The following XRCC5 variants were observed in gnomAD, a reference collection of about 807,000 sequenced individuals.
XRCC5 encodes X-ray repair cross complementing 5, also known as DNA repair protein Ku80.
XRCC5 carries 12 observed loss-of-function variants against 95.7 expected under a neutral mutation model. The observed-to-expected ratio is 0.13, with a 90% CI of 0.08 to 0.20. The LOEUF (loss-of-function observed/expected upper bound fraction) is 0.20. XRCC5 is among the 10% of genes least tolerant of loss of function. The pLI is 1.00. For synonymous variants in XRCC5, 281 were observed against 290.3 expected, an observed-to-expected ratio of 0.97 and a Z score of 0.33; for missense variants, 595 against 873.9, an observed-to-expected ratio of 0.68 and a Z score of 4.02.
chr2:216,197,543 T>C (rs1335354826), intron 19 of XRCC5, among the ~76,000 whole-genome samples: 1 of 152,028 alleles, frequency 6.6e-6, no homozygotes, highest in Non-Finnish European at 1.5e-5. Flanking sequence ...TCTCTTCTAC[T>C]TCAGCCACGG....
intron 5 of XRCC5, among the ~76,000 whole-genome samples, chr2:216,120,003 G>C (rs949205601): frequency 1.3e-5 from 2 of 152,190 alleles, no homozygotes; most frequent in South Asian, 4.1e-4. Flanking sequence ...AGGTTAGAGT[G>C]GTAAGCCTTT....
rs778052197 is a variant in XRCC5, at chr2:216,137,076, C to A, written c.1114-12C>A. The A allele has an allele frequency of 3.1e-6, 5 of 1,611,310 alleles. No individual in the cohort carries two copies. Among genetic ancestry groups the A allele is most frequent in the Non-Finnish European group, 4.2e-6 (5 of 1,178,762 alleles). ...GTTGAATATGTGTTAATACATCCATCTTTCTTACCAGGCAGCTGCAGTTGC... is the reference window on the plus strand; with the variant it reads ...GTTGAATATGTGTTAATACATCCATATTTCTTACCAGGCAGCTGCAGTTGC... On this transcript the variant is annotated splice_polypyrimidine_tract_variant and intron_variant, in intron 10 of 20. Transcript: ENST00000392132.
rs1689940703 is a variant in XRCC5 at position 216,206,197 on chromosome 2, C to G, written c.*995C>G. ...CTTTGGTGTACAGACTTCTTGGTAC[C>G]CAGTCACCTCTGTCTTCAGCACCCT... On this transcript the variant is annotated 3_prime_UTR_variant, in exon 21 of 21. Transcript: ENST00000392132. 1 of 152,216 alleles carries G rather than the reference C, an allele frequency of 6.6e-6. No individual in the cohort carries two copies. The highest frequency in any genetic ancestry group is 1.9e-4 in the East Asian group (1 of 5,184). 9.4% of individuals were successfully genotyped at this position (152,216 alleles called of 1,614,324 possible). A position where few individuals can be genotyped will look rare whatever the true frequency, so the allele number is the denominator to read the frequency against.
chr2:216,128,787 AATC>A (rs1414802109), intron 8 of XRCC5, among the ~76,000 whole-genome samples: 2 of 152,154 alleles, frequency 1.3e-5, no homozygotes, highest in Admixed American at 6.5e-5. Flanking sequence ...TTTCTCTTTT[AATC>A]ATCAGCGACC....
chr2:216,162,015 C>G lies in XRCC5; in HGVS notation c.1801C>G (p.Leu601Val). The G allele has an allele frequency of 1.2e-6, 2 of 1,614,096 alleles. No homozygotes were observed. ...SVNPAENFRV[L>V]VKQKKASFEE... ...GAATCCTGCTGAAAACTTCCGTGTT[C>G]TAGTGAAACAGAAGAAGGCCAGCTT... is the stretch of plus-strand genomic sequence containing the variant. The change falls in exon 16 of 21, where the codon CTA becomes GTA. Residue 601 changes from leucine to valine, a missense_variant. By Grantham distance (32) the Leu-to-Val change is conservative. Around this residue, in one of 2 missense-constraint regions of XRCC5, gnomAD observed 309 missense variants for 382.9 expected, o/e 0.81. Transcript: ENST00000392132.
At position 216,119,022 on chromosome 2, in the gene XRCC5, TATG is replaced by T. The variant is rs750878197; in HGVS notation, c.369-18_369-16del. 1.9e-6 allele frequency: 3 copies of T among 1,609,900 alleles called. No individual in the cohort carries two copies. Among genetic ancestry groups the T allele is most frequent in the South Asian group, 1.1e-5 (1 of 90,790 alleles). ...ATAATTCAGGAGAATGATTTCTTAATATGATAACTCTCTCTTTTAGAGGAAAGA... is the reference window on the plus strand; with the variant it reads ...ATAATTCAGGAGAATGATTTCTTAATATAACTCTCTCTTTTAGAGGAAAGA... On this transcript the variant is annotated intron_variant, in intron 4 of 20. Coordinates refer to ENST00000392132, the MANE Select transcript of XRCC5 (RefSeq NM_021141.4).
chr2:216,151,507 C>G (rs1035564867), intron 14 of XRCC5, among the ~76,000 whole-genome samples: 8 of 152,212 alleles, frequency 5.3e-5, no homozygotes, highest in Non-Finnish European at 1.0e-4. Flanking sequence ...ACTTCAGACT[C>G]CAGAGTCAGC....
At chr2:216,195,652 TTAGGCC>T (rs1270419676) in intron 19 of XRCC5, among the ~76,000 whole-genome samples, 1 of 152,204 alleles carries the variant, frequency 6.6e-6, no homozygotes. Flanking sequence ...ACACACATTG[TTAGGCC>T]TAGGCCTCCT....
chr2:216,133,649 A>T (rs1186563475), intron 10 of XRCC5, among the ~76,000 whole-genome samples: 1 of 152,226 alleles, frequency 6.6e-6, no homozygotes, highest in Admixed American at 6.5e-5. Context: ...GTGTAATTCA[A>T]ATCTGGCCTT....
At chr2:216,202,269 G>A (rs772993373) in intron 19 of XRCC5, among the ~76,000 whole-genome samples, 15 of 152,196 alleles carry the variant, frequency 9.9e-5, no homozygotes, top group Non-Finnish European at 2.2e-4. Context: ...AACTGGATAA[G>A]TCTTATCCTG....
At chr2:216,130,758 A>G (rs1464220141) in intron 8 of XRCC5, 117 bp from the exon 9 acceptor site, 1 of 609,946 alleles carries the variant, frequency 1.6e-6, no homozygotes, top group Non-Finnish European at 2.8e-6. Context: ...CAGGGAATAG[A>G]AGATGGAGGC....
chr2:216,157,658 A>G (rs536189304), intron 14 of XRCC5, among the ~76,000 whole-genome samples: 44 of 152,254 alleles, frequency 2.9e-4, no homozygotes, highest in Admixed American at 2.0e-3. Context: ...TTGTATATTG[A>G]GAGTTTAGAG....
chr2:216,125,095 A>G (rs115345179), intron 6 of XRCC5, among the ~76,000 whole-genome samples: 4 of 152,148 alleles, frequency 2.6e-5, no homozygotes, highest in Non-Finnish European at 4.4e-5. Context: ...TTTAATATTC[A>G]GAATTGGAAT....
Position 216,123,748 on chromosome 2 carries a change from A to G in XRCC5, c.683+1495A>G, listed in dbSNP as rs187488925. Among the ~76,000 whole-genome samples, 210 of 152,308 alleles carry G rather than the reference A, an allele frequency of 1.4e-3. 2 individuals are homozygous for G. Among genetic ancestry groups the G allele is most frequent in the African/African-American group, 4.5e-3 (189 of 41,584 alleles). ...TTGAACCTAGGAGGCGGAGGTTGCAATGAGCCAAGATCATGCCACTGCACT... is the reference window on the plus strand; with the variant it reads ...TTGAACCTAGGAGGCGGAGGTTGCAGTGAGCCAAGATCATGCCACTGCACT... On this transcript the variant is annotated intron_variant, in intron 6 of 20. Coordinates refer to ENST00000392132, the MANE Select transcript of XRCC5 (RefSeq NM_021141.4).
rs113894127 is a variant in XRCC5, at chr2:216,147,587, CTT to C, written c.1477-493_1477-492del. ...CAGGGACAACTCAGTATTCTCATCT[CTT>C]TTGCAGACCTCTCTCTGGGACTCAC... On this transcript the variant is annotated intron_variant, in intron 13 of 20. Transcript: ENST00000392132. Among the ~76,000 whole-genome samples the C allele has an allele frequency of 2.8e-3, 426 of 152,212 alleles. 4 individuals are homozygous for C. Among genetic ancestry groups the C allele is most frequent in the African/African-American group, 9.6e-3 (400 of 41,526 alleles).
intron 15 of XRCC5, among the ~76,000 whole-genome samples, chr2:216,160,511 A>G (rs1688932622): frequency 6.6e-6 from 1 of 152,142 alleles, no homozygotes; most frequent in Non-Finnish European, 1.5e-5. Context: ...TTAATCTTCA[A>G]GTACACACAA....
intron 16 of XRCC5, among the ~76,000 whole-genome samples, chr2:216,182,856 G>A (rs1168600398): frequency 2.0e-5 from 3 of 152,104 alleles, no homozygotes; most frequent in Admixed American, 6.6e-5. Flanking sequence ...GATATGTTTA[G>A]TGGTTTTTTA....
intron 16 of XRCC5, among the ~76,000 whole-genome samples, chr2:216,172,468 T>C (rs186513613): frequency 2.5e-5 from 3 of 122,184 alleles, no homozygotes; most frequent in African/African-American, 1.1e-4. Flanking sequence ...GCTTTTCTTT[T>C]CTTTTTTTTT....
At chr2:216,152,339 C>G (rs1048351125) in intron 14 of XRCC5, among the ~76,000 whole-genome samples, 1 of 152,062 alleles carries the variant, frequency 6.6e-6, no homozygotes, top group Non-Finnish European at 1.5e-5. Context: ...ACTCGGGAGG[C>G]TGAGGCACGA....
Sources: gnomAD v4.1 joint callset for allele counts (sites outside exome capture counted in the v4.1 genomes callset) on GRCh38, gnomAD v4.1.1 for gene constraint, gnomAD v4.1.1 regional missense constraint, MANE v1.5 for transcripts, NCBI Gene and HGNC (gene_info 2026-07-23, HGNC 2026-07-21) for gene names.